CPPED1: variants seen among roughly 807,000 people sequenced by gnomAD.
CPPED1 encodes the protein serine/threonine-protein phosphatase CPPED1.
Under a neutral mutation model 28.0 loss-of-function variants are expected in CPPED1, and 28 were observed. The ratio of observed to expected loss-of-function variants is 1.00; its 90% confidence interval spans 0.74 to 1.37. The LOEUF is 1.37. CPPED1 is among the 40% of genes most tolerant of loss of function. The pLI is 0.00. For missense variants in CPPED1, 504 were observed against 416.5 expected, an observed-to-expected ratio of 1.21 and a Z score of -1.83; for synonymous variants, 198 against 180.2, an observed-to-expected ratio of 1.10 and a Z score of -0.79.
At chr16:12,785,419 G>A (rs1433261880) in intron 1 of CPPED1, among the ~76,000 whole-genome samples, 4 of 147,786 alleles carry the variant, frequency 2.7e-5, no homozygotes, top group African/African-American at 5.1e-5. Flanking sequence ...CCAGACAAAC[G>A]TGAATTCTTT....
chr16:12,795,029 G>A (rs904039957), intron 1 of CPPED1, among the ~76,000 whole-genome samples: 11 of 152,230 alleles, frequency 7.2e-5, no homozygotes, highest in African/African-American at 2.7e-4. Flanking sequence ...CTTTTCAAGA[G>A]CAGAACTCCA....
chr16:12,729,697 T>TA (rs1424757569), intron 2 of CPPED1, among the ~76,000 whole-genome samples: 2 of 152,152 alleles, frequency 1.3e-5, no homozygotes, highest in Non-Finnish European at 2.9e-5. Flanking sequence ...AAAGTCATAA[T>TA]AAAGGTTTCC....
In CPPED1 at chr16:12,661,727, G is replaced by A. The variant is rs1204085143; in HGVS notation, c.*3159C>T. 1 of 152,262 alleles carries A rather than the reference G, an allele frequency of 6.6e-6. No individual in the cohort carries two copies. The highest frequency in any genetic ancestry group is 2.4e-5 in the African/African-American group (1 of 41,428). 9.4% of individuals were successfully genotyped at this position (152,262 alleles called of 1,614,324 possible). A position where few individuals can be genotyped will look rare whatever the true frequency, so the allele number is the denominator to read the frequency against. The stretch of plus-strand genomic sequence containing the variant: ...TGCGGACAGTTACTGCTGCAGACAG[G>A]GCTGTGTCCCGTGACTCATTATGGT... On this transcript the variant is annotated 3_prime_UTR_variant, in exon 4 of 4. Coordinates refer to ENST00000381774, the MANE Select transcript of CPPED1 (RefSeq NM_018340.3).
At chr16:12,770,748 G>A (rs562664420) in intron 2 of CPPED1, among the ~76,000 whole-genome samples, 1 of 152,060 alleles carries the variant, frequency 6.6e-6, no homozygotes, top group Non-Finnish European at 1.5e-5. Flanking sequence ...CTTGAACCCG[G>A]GAGGCAGAGG....
At chr16:12,747,069 AT>A (rs199989821) in intron 2 of CPPED1, among the ~76,000 whole-genome samples, 5,502 of 151,820 alleles carry the variant, frequency 0.036, 135 homozygotes, top group East Asian at 0.12. Context: ...TAAAAAAAAA[AT>A]TAAAAAAAAA....
intron 3 of CPPED1, among the ~76,000 whole-genome samples, chr16:12,684,178 G>A (rs1355688071): frequency 6.6e-6 from 1 of 152,180 alleles, no homozygotes; most frequent in East Asian, 1.9e-4. Flanking sequence ...AAGGAACGCA[G>A]AGAAAATGCA....
Position 12,781,360 on chromosome 16 carries a change from G to A in CPPED1, c.114C>T (p.Gly38=), listed in dbSNP as rs556510257. ...TGATCAGCCCAAACTGTGGGTCTGC[G>A]CCCAGGATGAAGTAGAATGGGCCTT... ...EWKGPFYFIL[G]ADPQFGLIKA... The change falls in exon 2 of 4, where the codon GGC becomes GGT. Residue 38 remains glycine (G), a synonymous_variant. Transcript: ENST00000381774. 279 of 1,614,110 alleles carry A rather than the reference G, an allele frequency of 1.7e-4. No individual in the cohort carries two copies. Among genetic ancestry groups the A allele is most frequent in the African/African-American group, 3.7e-4 (28 of 75,018 alleles).
chr16:12,695,809 G>C (rs148923243), intron 3 of CPPED1, among the ~76,000 whole-genome samples: 2 of 152,096 alleles, frequency 1.3e-5, no homozygotes, highest in Non-Finnish European at 2.9e-5. Context: ...GGCTGTGCTC[G>C]AGTCTTTCTG....
chr16:12,674,853 TGAC>T (rs1475419030), intron 3 of CPPED1, among the ~76,000 whole-genome samples: 1 of 152,158 alleles, frequency 6.6e-6, no homozygotes, highest in Non-Finnish European at 1.5e-5. Context: ...TGAATTAAAA[TGAC>T]AGCCCATATC....
intron 2 of CPPED1, among the ~76,000 whole-genome samples, chr16:12,768,609 G>C (rs2080452516): frequency 6.6e-6 from 1 of 152,192 alleles, no homozygotes; most frequent in African/African-American, 2.4e-5. Context: ...TGTACACACA[G>C]GTGTGGGCTC....
chr16:12,688,646 C>T (rs542535870), intron 3 of CPPED1, among the ~76,000 whole-genome samples: 11 of 152,144 alleles, frequency 7.2e-5, no homozygotes, highest in Admixed American at 3.9e-4. Flanking sequence ...CCCTACTCCA[C>T]GACTTCTGCA....
In CPPED1 at chr16:12,701,505, A is replaced by G. The variant is rs1294450926; in HGVS notation, c.715+3119T>C. On this transcript the variant is annotated intron_variant, in intron 3 of 3. Coordinates refer to ENST00000381774, the MANE Select transcript of CPPED1 (RefSeq NM_018340.3). ...TGACCCGAGATCATGCCACTGCACT[A>G]CAGCCTGGGTGACAGAGTGAGAATG... Among the ~76,000 whole-genome samples, 4 of 152,198 alleles carry G rather than the reference A, an allele frequency of 2.6e-5. No homozygotes were observed. The East Asian group carries it at 7.7e-4, about 29-fold the overall frequency.
chr16:12,710,928 G>A (rs544579922), intron 2 of CPPED1, among the ~76,000 whole-genome samples: 1 of 152,248 alleles, frequency 6.6e-6, no homozygotes, highest in South Asian at 2.1e-4. Context: ...AAACAATATG[G>A]TGGCTCCCCC....
chr16:12,661,083 C>G lies in CPPED1; in HGVS notation c.*3803G>C, dbSNP rs2079791535. On this transcript the variant is annotated 3_prime_UTR_variant, in exon 4 of 4. Transcript: ENST00000381774. Reference sequence around the variant, plus strand: ...TGAGCTGTGATCACACCACTGCACTCCAGCCTGGGTGATAGAGCAAGATTC... The same window carrying G: ...TGAGCTGTGATCACACCACTGCACTGCAGCCTGGGTGATAGAGCAAGATTC... 6.6e-6 allele frequency: 1 copy of G among 152,208 alleles called. No homozygotes were observed. Among genetic ancestry groups the G allele is most frequent in the Non-Finnish European group, 1.5e-5 (1 of 68,056 alleles). 9.4% of individuals were successfully genotyped at this position (152,208 alleles called of 1,614,324 possible). A position where few individuals can be genotyped will look rare whatever the true frequency, so the allele number is the denominator to read the frequency against.
intron 1 of CPPED1, among the ~76,000 whole-genome samples, chr16:12,790,464 C>T (rs1007832781): frequency 2.0e-5 from 3 of 152,164 alleles, no homozygotes; most frequent in Non-Finnish European, 4.4e-5. Context: ...TTTCATCACT[C>T]AACTAGGAAA....
intron 1 of CPPED1, among the ~76,000 whole-genome samples, chr16:12,801,406 T>C (rs983510099): frequency 1.6e-4 from 25 of 151,946 alleles, no homozygotes; most frequent in African/African-American, 5.8e-4. Context: ...AACAAATATA[T>C]AGGCGTGAGC....
intron 2 of CPPED1, among the ~76,000 whole-genome samples, chr16:12,721,225 T>C (rs1406303859): frequency 1.3e-5 from 2 of 152,138 alleles, no homozygotes; most frequent in South Asian, 2.1e-4. Context: ...GACAGGCAGA[T>C]ACCACGGAAA....
chr16:12,688,957 A>T (rs1236023845), intron 3 of CPPED1, among the ~76,000 whole-genome samples: 2 of 152,226 alleles, frequency 1.3e-5, no homozygotes, highest in Non-Finnish European at 2.9e-5. Context: ...TGTTCTACAA[A>T]TATGAAAATG....
At chr16:12,797,807 C>G (rs1193431933) in intron 1 of CPPED1, among the ~76,000 whole-genome samples, 1 of 151,978 alleles carries the variant, frequency 6.6e-6, no homozygotes, top group Non-Finnish European at 1.5e-5. Context: ...GCCAGCAGAC[C>G]ATGGGTTGGA....
Sources: gnomAD v4.1 joint callset for allele counts (sites outside exome capture counted in the v4.1 genomes callset) on GRCh38, gnomAD v4.1.1 for gene constraint, MANE v1.5 for transcripts, NCBI Gene and HGNC (gene_info 2026-07-23, HGNC 2026-07-21) for gene names.